Variants in CCDC146 observed in about 807,000 individuals in gnomAD.
The protein encoded by CCDC146 is coiled-coil domain containing 146, also known as coiled-coil domain-containing protein 146.
Under a neutral mutation model 119.3 loss-of-function variants are expected in CCDC146, and 92 were observed. That is an observed-to-expected ratio of 0.77 (90% confidence interval 0.65 to 0.92). The LOEUF (loss-of-function observed/expected upper bound fraction) is 0.92, where lower values mean the gene tolerates loss of function less well. Ranked by LOEUF, CCDC146 falls within the 40% of genes least tolerant of loss-of-function variation. The probability of loss-of-function intolerance (pLI) is 0.00; values close to 1 mark genes in which losing one functional copy is unlikely to be tolerated. For missense variants in CCDC146, 1,000 were observed against 1,103.0 expected (o/e 0.91, Z 1.32); for synonymous variants, 372 against 371.8 (o/e 1.00, Z -0.01).
At chr7:77,198,071 A>AT (rs1236384052) in intron 2 of CCDC146, 1 of 929,892 alleles carries the variant, frequency 1.1e-6, no homozygotes, top group East Asian at 1.2e-4. Flanking sequence ...TCTTCATATC[A>AT]TGACAAGTTG....
chr7:77,262,137 A>T lies in CCDC146; in HGVS notation c.1003A>T (p.Asn335Tyr). ...CTGGAACAGAGGGATCTTGGATCTCAATTTACGCAACAGTCTCATTGACAA... is the reference window on the plus strand; with the variant it reads ...CTGGAACAGAGGGATCTTGGATCTCTATTTACGCAACAGTCTCATTGACAA... The part of the protein sequence containing the change: ...SLTERGILDL[N>Y]LRNSLIDKQN... The change falls in exon 9 of 19, where the codon AAT becomes TAT. Residue 335 changes from asparagine to tyrosine, a missense_variant. Coordinates refer to ENST00000285871, the MANE Select transcript of CCDC146 (RefSeq NM_020879.3). The T allele has an allele frequency of 1.2e-6, 2 of 1,604,472 alleles. No individual in the cohort carries two copies. The highest frequency in any genetic ancestry group is 1.7e-6 in the Non-Finnish European group (2 of 1,175,886).
intron 2 of CCDC146, among the ~76,000 whole-genome samples, chr7:77,224,440 C>T (rs920874224): frequency 4.6e-5 from 7 of 152,144 alleles, no homozygotes; most frequent in African/African-American, 1.7e-4. Flanking sequence ...TTGAAGTACT[C>T]ACATGATTGG....
At chr7:77,183,873 A>C (rs1422306314) in intron 2 of CCDC146, among the ~76,000 whole-genome samples, 1 of 152,228 alleles carries the variant, frequency 6.6e-6, no homozygotes, top group East Asian at 1.9e-4. Context: ...AGTTATGCTA[A>C]GATTTTCAAA....
At chr7:77,244,066 C>T (rs1449192833) in intron 4 of CCDC146, among the ~76,000 whole-genome samples, 3 of 151,988 alleles carry the variant, frequency 2.0e-5, no homozygotes, top group Non-Finnish European at 2.9e-5. Context: ...TTAGTAGAGA[C>T]GGGATTTCAC....
intron 1 of CCDC146, among the ~76,000 whole-genome samples, chr7:77,146,684 G>A (rs995467643): frequency 2.6e-5 from 4 of 151,828 alleles, no homozygotes; most frequent in African/African-American, 9.7e-5. Flanking sequence ...AGTTTGGCTG[G>A]ATATGAAATT....
chr7:77,128,880 T>C (rs1399874570), intron 1 of CCDC146, among the ~76,000 whole-genome samples: 3 of 152,144 alleles, frequency 2.0e-5, no homozygotes, highest in African/African-American at 7.3e-5. Context: ...AGGCAAAATC[T>C]TTAAGACAGC....
chr7:77,272,102 A>C lies in CCDC146; in HGVS notation c.1174-1592A>C, dbSNP rs140471708. ...TTAACTTGACTTTCCTAAAGGAGAA[A>C]TCAACACTTCCTTGATGAATATTCA... On this transcript the variant is annotated intron_variant, in intron 9 of 18. Transcript: ENST00000285871. Among the ~76,000 whole-genome samples the C allele has an allele frequency of 3.5e-4, 54 of 152,292 alleles. No homozygotes were observed. In the East Asian group the frequency reaches 8.9e-3, roughly 25 times the overall value.
At chr7:77,288,853 C>T (rs186204886) in intron 17 of CCDC146, among the ~76,000 whole-genome samples, 3 of 152,326 alleles carry the variant, frequency 2.0e-5, no homozygotes, top group Admixed American at 1.3e-4. Context: ...TTCTCCAATG[C>T]CTAGCATGTG....
At position 77,291,890 on chromosome 7, in the gene CCDC146, A is replaced by G. The variant is rs148094556; in HGVS notation, c.2416-1062A>G. ...ATTTAAAAAGTCATTTCAGATGCAG[A>G]ACTTCTGCTGATTATCTTATATAAG... On this transcript the variant is annotated intron_variant, in intron 17 of 18. Coordinates refer to ENST00000285871, the MANE Select transcript of CCDC146 (RefSeq NM_020879.3). Among the ~76,000 whole-genome samples, 697 of 152,376 alleles carry G rather than the reference A, an allele frequency of 4.6e-3. 3 individuals are homozygous for G. Among genetic ancestry groups the G allele is most frequent in the African/African-American group, 0.016 (659 of 41,588 alleles).
chr7:77,247,057 C>T lies in CCDC146; in HGVS notation c.449+5157C>T, dbSNP rs76816082. Among the ~76,000 whole-genome samples the T allele has an allele frequency of 9.8e-4, 149 of 151,930 alleles. 1 individual carries two copies. In the East Asian group the frequency reaches 0.023, roughly 24 times the overall value. On this transcript the variant is annotated intron_variant, in intron 4 of 18. Transcript: ENST00000285871. ...AATGTTAGGTAAAAATGGATTCAAC[C>T]ACACATATACATTTAAAATAAGTTT... is the stretch of plus-strand genomic sequence containing the variant.
intron 9 of CCDC146, 59 bp downstream of exon 9, chr7:77,262,366 A>G: frequency 1.4e-6 from 2 of 1,383,938 alleles, no homozygotes; most frequent in East Asian, 2.5e-5. Flanking sequence ...TGAAGTAAAA[A>G]TATTTTAGGA....
intron 13 of CCDC146, among the ~76,000 whole-genome samples, chr7:77,279,732 G>A (rs74493688): frequency 0.082 from 12,407 of 152,216 alleles, 705 homozygotes; most frequent in Non-Finnish European, 0.11. Context: ...ATTTTACTGT[G>A]AAATGAGCTA....
In CCDC146 at chr7:77,286,929, A is replaced by C; in HGVS notation, c.2277+3A>C. ...AAATGATCCAAAAATTAGACAAGGTAAACATTATTGCTTAAAATTGCATCT... is the reference window on the plus strand; with the variant it reads ...AAATGATCCAAAAATTAGACAAGGTCAACATTATTGCTTAAAATTGCATCT... On this transcript the variant is annotated splice_donor_region_variant and intron_variant, in intron 16 of 18. Coordinates refer to ENST00000285871, the MANE Select transcript of CCDC146 (RefSeq NM_020879.3). 1 of 1,614,078 alleles carries C rather than the reference A, an allele frequency of 6.2e-7. No individual in the cohort carries two copies. The highest frequency in any genetic ancestry group is 8.5e-7 in the Non-Finnish European group (1 of 1,179,960).
At chr7:77,172,566 T>C (rs1791439063) in intron 2 of CCDC146, among the ~76,000 whole-genome samples, 1 of 152,214 alleles carries the variant, frequency 6.6e-6, no homozygotes, top group Non-Finnish European at 1.5e-5. Flanking sequence ...TCATATTGCC[T>C]GAAGAGTGTG....
chr7:77,249,639 T>C (rs1032729054), intron 4 of CCDC146, among the ~76,000 whole-genome samples: 5 of 152,218 alleles, frequency 3.3e-5, no homozygotes, highest in Admixed American at 6.5e-5. Context: ...CTTTTTTTAA[T>C]GTTAGCATGG....
chr7:77,271,519 T>G (rs1180405796), intron 9 of CCDC146, among the ~76,000 whole-genome samples: 33 of 17,984 alleles, frequency 1.8e-3, no homozygotes, highest in African/African-American at 5.6e-3. Context: ...AGGAGATATA[T>G]ATATATATAT....
intron 1 of CCDC146, among the ~76,000 whole-genome samples, chr7:77,155,954 T>C (rs1791172607): frequency 6.6e-6 from 1 of 152,074 alleles, no homozygotes; most frequent in Admixed American, 6.6e-5. Context: ...TATAAGATGC[T>C]TTAAAGAGAG....
At chr7:77,197,203 A>G (rs897235997) in intron 2 of CCDC146, among the ~76,000 whole-genome samples, 31 of 152,254 alleles carry the variant, frequency 2.0e-4, no homozygotes, top group African/African-American at 7.0e-4. Flanking sequence ...CTTGGTTGGT[A>G]GTAATAATGA....
intron 4 of CCDC146, among the ~76,000 whole-genome samples, chr7:77,250,025 A>C (rs1018439579): frequency 6.6e-6 from 1 of 152,154 alleles, no homozygotes; most frequent in Admixed American, 6.5e-5. Flanking sequence ...ATACATTTAC[A>C]ACTAATTTAA....
Sources: allele counts gnomAD v4.1 joint callset (sites outside exome capture counted in the v4.1 genomes callset), GRCh38; gene constraint gnomAD v4.1.1; transcripts MANE v1.5; gene names NCBI Gene and HGNC (gene_info 2026-07-23, HGNC 2026-07-21).